The following IL1RAPL2 variants were observed in gnomAD, a reference collection of about 807,000 sequenced individuals.
The protein encoded by IL1RAPL2 is X-linked interleukin-1 receptor accessory protein-like 2.
Under a neutral mutation model 44.1 loss-of-function variants are expected in IL1RAPL2, and 3 were observed. The ratio of observed to expected loss-of-function variants is 0.07; its 90% CI spans 0.03 to 0.18. The LOEUF (loss-of-function observed/expected upper bound fraction) is 0.18, where lower values mean the gene tolerates loss of function less well. Ranked by LOEUF, IL1RAPL2 falls within the 10% of genes least tolerant of loss-of-function variation. The pLI, the probability that IL1RAPL2 is intolerant of heterozygous loss-of-function variation, is 1.00. For synonymous variants in IL1RAPL2, 181 were observed against 178.8 expected (o/e 1.01, Z -0.10); for missense variants, 391 against 496.4 (o/e 0.79, Z 2.02).
At chrX:105,374,406 T>C (rs1022126876) in intron 5 of IL1RAPL2, among the ~76,000 whole-genome samples, 2 of 111,527 alleles carry the variant, frequency 1.8e-5, no homozygotes, top group African/African-American at 3.3e-5. Flanking sequence ...AGAAATAGCA[T>C]TGACTCTGTA....
intron 2 of IL1RAPL2, among the ~76,000 whole-genome samples, chrX:104,883,671 A>G (rs977357831): frequency 5.4e-5 from 6 of 110,922 alleles, no homozygotes; most frequent in Non-Finnish European, 9.4e-5. Flanking sequence ...TTTCTCCTAT[A>G]AGAATGATTT....
intron 2 of IL1RAPL2, among the ~76,000 whole-genome samples, chrX:104,796,194 T>C (rs776431884): frequency 8.9e-6 from 1 of 112,588 alleles, no homozygotes; most frequent in Non-Finnish European, 1.9e-5. Context: ...TAACTACATC[T>C]GCCCTAGCTG....
chrX:104,595,049 T>C (rs183429859), intron 1 of IL1RAPL2, among the ~76,000 whole-genome samples: 5 of 111,327 alleles, frequency 4.5e-5, no homozygotes, highest in African/African-American at 1.6e-4. Context: ...ACAATCAAAT[T>C]TATGTTTTGA....
chrX:104,925,382 C>G (rs186420801), intron 2 of IL1RAPL2, among the ~76,000 whole-genome samples: 3 of 110,815 alleles, frequency 2.7e-5, no homozygotes, highest in African/African-American at 9.9e-5. Context: ...GATACCAAGA[C>G]CTGGCAGAGA....
chrX:104,886,638 C>T (rs763608950), intron 2 of IL1RAPL2, among the ~76,000 whole-genome samples: 3 of 112,239 alleles, frequency 2.7e-5, no homozygotes, highest in African/African-American at 9.7e-5. Flanking sequence ...CTATACTCTG[C>T]TCTCTCAAAT....
At chrX:104,965,937 C>A (rs974718543) in intron 2 of IL1RAPL2, among the ~76,000 whole-genome samples, 19 of 108,214 alleles carry the variant, frequency 1.8e-4, no homozygotes, top group African/African-American at 6.4e-4. Flanking sequence ...TTATCATATA[C>A]CTAGAGTTTC....
At chrX:104,865,058 C>T (rs967574273) in intron 2 of IL1RAPL2, among the ~76,000 whole-genome samples, 2 of 108,546 alleles carry the variant, frequency 1.8e-5, no homozygotes, top group Non-Finnish European at 3.8e-5. Flanking sequence ...CAGCTTAAGA[C>T]ATACTTACCC....
intron 6 of IL1RAPL2, among the ~76,000 whole-genome samples, chrX:105,705,519 G>A (rs1167864765): frequency 9.0e-6 from 1 of 110,863 alleles, no homozygotes; most frequent in African/African-American, 3.3e-5. Context: ...CAGTCAAGTA[G>A]AGAGATGGGT....
chrX:104,775,778 A>G (rs1025321174), intron 2 of IL1RAPL2, among the ~76,000 whole-genome samples: 7 of 111,715 alleles, frequency 6.3e-5, no homozygotes, highest in African/African-American at 2.3e-4. Flanking sequence ...GTGTAATAGC[A>G]AAAACATAAC....
chrX:105,767,413 G>C lies in IL1RAPL2; in HGVS notation c.1813G>C (p.Glu605Gln). The change falls in exon 11 of 11, where the codon GAA becomes CAA. Residue 605 changes from glutamate (E) to glutamine (Q), a missense_variant. Glu to Gln is a conservative substitution (Grantham distance 29). Transcript: ENST00000372582. Reference sequence around the variant, plus strand: ...GGTGTCATCTCAGGCTGATCTCCCTGAATTCCACCCTTCAGATTCAATGCA... The same window carrying C: ...GGTGTCATCTCAGGCTGATCTCCCTCAATTCCACCCTTCAGATTCAATGCA... Reference protein sequence around the residue: ...TLVSSQADLPEFHPSDSMQIR... With the variant: ...TLVSSQADLPQFHPSDSMQIR... 8.3e-7 allele frequency: 1 copy of C among 1,211,200 alleles called. No individual in the cohort carries two copies.
At chrX:104,881,691 C>T (rs1327556681) in intron 2 of IL1RAPL2, among the ~76,000 whole-genome samples, 2 of 111,708 alleles carry the variant, frequency 1.8e-5, no homozygotes, top group Non-Finnish European at 3.8e-5. Flanking sequence ...GAGGCTGAAA[C>T]CAAATAGTTA....
At chrX:104,621,655 G>T (rs1258382856) in intron 1 of IL1RAPL2, among the ~76,000 whole-genome samples, 1 of 111,126 alleles carries the variant, frequency 9.0e-6, no homozygotes, top group Non-Finnish European at 1.9e-5. Context: ...CCGATCTCCA[G>T]TTTATATATG....
chrX:105,138,473 C>CAAAAAAAAAAAAAAAAAAAAACAAAA (rs371757842), intron 2 of IL1RAPL2, among the ~76,000 whole-genome samples: 1 of 54,481 alleles, frequency 1.8e-5, no homozygotes, highest in Non-Finnish European at 3.4e-5. Context: ...ATATAATTAC[C>CAAAAAAAAAAAAAAAAAAAAACAAAA]AAAAAAAAAA....
chrX:105,164,481 A>C (rs1212627908), intron 2 of IL1RAPL2, among the ~76,000 whole-genome samples: 3 of 112,160 alleles, frequency 2.7e-5, no homozygotes, highest in Non-Finnish European at 5.6e-5. Flanking sequence ...ATACTGTGCA[A>C]AGAAATGTGA....
At chrX:104,730,844 G>A (rs1931899608) in intron 2 of IL1RAPL2, among the ~76,000 whole-genome samples, 1 of 110,688 alleles carries the variant, frequency 9.0e-6, no homozygotes, top group Admixed American at 9.6e-5. Flanking sequence ...CACCAACAGT[G>A]TAAAAGTGTT....
intron 6 of IL1RAPL2, among the ~76,000 whole-genome samples, chrX:105,640,675 T>C (rs776058200): frequency 1.1e-5 from 1 of 93,312 alleles, no homozygotes; most frequent in Non-Finnish European, 2.1e-5. Flanking sequence ...TATATATATA[T>C]ATATATATAT....
At chrX:105,565,873 G>A (rs1309206623) in intron 6 of IL1RAPL2, among the ~76,000 whole-genome samples, 3 of 112,144 alleles carry the variant, frequency 2.7e-5, no homozygotes, top group African/African-American at 9.7e-5. Context: ...GAAATAAGGA[G>A]AAGAAAAGGT....
At chrX:105,187,520 TAC>T (rs1194873539) in intron 2 of IL1RAPL2, among the ~76,000 whole-genome samples, 1 of 112,003 alleles carries the variant, frequency 8.9e-6, no homozygotes, top group Non-Finnish European at 1.9e-5. Flanking sequence ...GATATTTGTA[TAC>T]ACACACACAA....
chrX:105,028,787 A>G (rs1264115983), intron 2 of IL1RAPL2, among the ~76,000 whole-genome samples: 2 of 111,184 alleles, frequency 1.8e-5, no homozygotes, highest in Non-Finnish European at 3.8e-5. Context: ...ATTACCTGCA[A>G]TTACATAAGA....
Sources: gnomAD v4.1 joint callset for allele counts (sites outside exome capture counted in the v4.1 genomes callset) on GRCh38, gnomAD v4.1.1 for gene constraint, MANE v1.5 for transcripts, NCBI Gene and HGNC (gene_info 2026-07-23, HGNC 2026-07-21) for gene names.